Variants in SUMF1 observed in about 807,000 individuals in gnomAD.
The protein encoded by SUMF1 is sulfatase modifying factor 1, also known as formylglycine-generating enzyme.
A neutral mutation model predicts 47.6 loss-of-function variants in SUMF1; 48 were observed. That is an observed-to-expected ratio of 1.01 (90% CI 0.80 to 1.28). SUMF1 has a LOEUF of 1.28. SUMF1 is among the 50% of genes most tolerant of loss of function. SUMF1 has a pLI of 0.00. For synonymous variants in SUMF1, 230 were observed against 192.1 expected, an observed-to-expected ratio of 1.20 and a Z score of -1.63; for missense variants, 571 against 485.4, an observed-to-expected ratio of 1.18 and a Z score of -1.66.
chr3:4,229,591 C>A (rs1696252506), intron 8 of SUMF1, among the ~76,000 whole-genome samples: 2 of 152,124 alleles, frequency 1.3e-5, no homozygotes, highest in African/African-American at 4.8e-5. Context: ...ATGCCTGACA[C>A]ACAGTAAACA....
At chr3:4,118,793 C>T (rs897265454) in intron 8 of SUMF1, among the ~76,000 whole-genome samples, 1 of 152,082 alleles carries the variant, frequency 6.6e-6, no homozygotes, top group Non-Finnish European at 1.5e-5. Flanking sequence ...TCTCTTTCTC[C>T]AAGAGCTCAA....
chr3:4,269,901 G>A (rs965124425), intron 8 of SUMF1, among the ~76,000 whole-genome samples: 4 of 152,164 alleles, frequency 2.6e-5, no homozygotes, highest in African/African-American at 9.7e-5. Context: ...TGCACTCTGT[G>A]TAAGGACAGT....
chr3:4,440,258 A>AG (rs899366031), intron 3 of SUMF1, among the ~76,000 whole-genome samples: 1 of 144,712 alleles, frequency 6.9e-6, no homozygotes, highest in African/African-American at 2.5e-5. Flanking sequence ...AAAAAAAAAA[A>AG]AAAAAAGATA....
At chr3:4,367,651 G>C (rs1025603198) in intron 8 of SUMF1, among the ~76,000 whole-genome samples, 3 of 152,048 alleles carry the variant, frequency 2.0e-5, no homozygotes, top group African/African-American at 7.3e-5. Context: ...TAGATCAATG[G>C]AACAGAACAG....
intron 8 of SUMF1, among the ~76,000 whole-genome samples, chr3:4,251,632 C>T (rs762534019): frequency 3.3e-5 from 5 of 152,164 alleles, no homozygotes; most frequent in Non-Finnish European, 5.9e-5. Context: ...GACCTCCATC[C>T]TGGTGAATAT....
chr3:4,084,008 A>G (rs1692620823), intron 8 of SUMF1, among the ~76,000 whole-genome samples: 1 of 152,108 alleles, frequency 6.6e-6, no homozygotes, highest in Admixed American at 6.5e-5. Context: ...TACAAAAACA[A>G]TGATGTTTAT....
chr3:4,109,307 T>C (rs948965207), intron 8 of SUMF1, among the ~76,000 whole-genome samples: 1 of 152,184 alleles, frequency 6.6e-6, no homozygotes, highest in African/African-American at 2.4e-5. Context: ...GTAAGTCTGA[T>C]GGGCTTCCCT....
intron 8 of SUMF1, among the ~76,000 whole-genome samples, chr3:4,178,153 T>C (rs553998694): frequency 1.3e-5 from 2 of 152,166 alleles, no homozygotes; most frequent in East Asian, 3.9e-4. Flanking sequence ...ACTATTCCAA[T>C]CAATAGAAAA....
In SUMF1 at chr3:4,307,410, G is replaced by A. The variant is rs549716946; in HGVS notation, c.1014+68920C>T. Among the ~76,000 whole-genome samples the A allele has an allele frequency of 1.0e-3, 159 of 152,242 alleles. 1 individual carries two copies. Among genetic ancestry groups the A allele is most frequent in the African/African-American group, 3.5e-3 (147 of 41,546 alleles). ...TTTTCCCTGAGACACGTATCTGTTAGAAAGGTAAGACCTACACATTTAACA... is the reference window on the plus strand; with the variant it reads ...TTTTCCCTGAGACACGTATCTGTTAAAAAGGTAAGACCTACACATTTAACA... On this transcript the variant is annotated intron_variant and NMD_transcript_variant, in intron 8 of 12. Transcript: ENST00000448413.
intron 7 of SUMF1, among the ~76,000 whole-genome samples, chr3:4,403,771 T>C (rs1701288914): frequency 6.6e-6 from 1 of 152,154 alleles, no homozygotes; most frequent in Non-Finnish European, 1.5e-5. Flanking sequence ...AAGAAGCTTT[T>C]AGCAAGAGGC....
At chr3:4,456,728 G>A (rs1226932948) in intron 1 of SUMF1, among the ~76,000 whole-genome samples, 28 of 108,832 alleles carry the variant, frequency 2.6e-4, no homozygotes, top group Admixed American at 1.6e-3. Context: ...ATATATATAC[G>A]TGTGTATATA....
chr3:4,360,653 G>T (rs942179936), downstream of SUMF1, among the ~76,000 whole-genome samples: 5 of 152,242 alleles, frequency 3.3e-5, no homozygotes, highest in Admixed American at 2.0e-4. Context: ...CTTTTCAAGG[G>T]AATTGTTTTA....
chr3:4,174,375 AAAT>A (rs1249840485), intron 8 of SUMF1, among the ~76,000 whole-genome samples: 1 of 151,210 alleles, frequency 6.6e-6, no homozygotes, highest in East Asian at 1.9e-4. Flanking sequence ...AAAAAAAAAA[AAAT>A]TATGGTTACC....
chr3:4,141,256 G>A (rs1034958762), intron 8 of SUMF1, among the ~76,000 whole-genome samples: 1 of 152,140 alleles, frequency 6.6e-6, no homozygotes, highest in Non-Finnish European at 1.5e-5. Flanking sequence ...CTAATACGGA[G>A]GTAATCATCA....
At chr3:4,298,625 C>A (rs950890312) in intron 8 of SUMF1, among the ~76,000 whole-genome samples, 1 of 152,178 alleles carries the variant, frequency 6.6e-6, no homozygotes, top group African/African-American at 2.4e-5. Context: ...TCTTATAATT[C>A]TTTTCTCACA....
intron 8 of SUMF1, among the ~76,000 whole-genome samples, chr3:4,292,276 G>A (rs939894361): frequency 6.6e-6 from 1 of 152,074 alleles, no homozygotes; most frequent in African/African-American, 2.4e-5. Context: ...ATACACATAG[G>A]CTAAAACGAA....
chr3:4,372,916 C>T (rs1279116661), intron 8 of SUMF1, among the ~76,000 whole-genome samples: 1 of 152,158 alleles, frequency 6.6e-6, no homozygotes, highest in Non-Finnish European at 1.5e-5. Flanking sequence ...TAAAGACCAA[C>T]CTAATAAACA....
rs75919959 is a variant in SUMF1, at chr3:4,320,649, A to G, written c.1014+55681T>C. The stretch of plus-strand genomic sequence containing the variant: ...TAAATAAAGTCTCTCAGGTCATAAA[A>G]GTTGTTTAGGAGTTTTTTATTGCTG... On this transcript the variant is annotated intron_variant and NMD_transcript_variant, in intron 8 of 12. Transcript: ENST00000448413. Among the ~76,000 whole-genome samples the G allele has an allele frequency of 8.0e-3, 1,219 of 152,304 alleles. 20 individuals carry two copies. Among genetic ancestry groups the G allele is most frequent in the African/African-American group, 0.028 (1,151 of 41,554 alleles).
intron 8 of SUMF1, among the ~76,000 whole-genome samples, chr3:4,298,452 A>G (rs932364993): frequency 6.6e-6 from 1 of 152,238 alleles, no homozygotes. Context: ...AGCATGCACA[A>G]AATATCTTAT....
Sources: gnomAD v4.1 joint callset for allele counts (sites outside exome capture counted in the v4.1 genomes callset) on GRCh38, gnomAD v4.1.1 for gene constraint, MANE v1.5 for transcripts, NCBI Gene and HGNC (gene_info 2026-07-23, HGNC 2026-07-21) for gene names.